The following DLGAP1 variants were observed in gnomAD, a reference collection of about 807,000 sequenced individuals.
DLGAP1 encodes the protein DLG associated protein 1.
In DLGAP1, 11 loss-of-function variants were observed where a neutral mutation model predicts 90.8. That is an observed-to-expected ratio of 0.12 (90% CI 0.08 to 0.20). The LOEUF is 0.20. Among genes scored for constraint, DLGAP1 ranks in the 10% least tolerant of loss-of-function variants. The pLI, the probability that DLGAP1 is intolerant of heterozygous loss-of-function variation, is 1.00. For synonymous variants in DLGAP1, 558 were observed against 540.7 expected (o/e 1.03, Z -0.44); for missense variants, 1,050 against 1,333.8 (o/e 0.79, Z 3.31).
At chr18:3,501,952 A>C (rs1157629474) in intron 12 of DLGAP1, among the ~76,000 whole-genome samples, 1 of 89,656 alleles carries the variant, frequency 1.1e-5, no homozygotes, top group Non-Finnish European at 3.0e-5. Flanking sequence ...CTGTTTTGAA[A>C]AAAAAAAAAA....
At chr18:4,359,638 A>G (rs1324805647) in intron 1 of DLGAP1, among the ~76,000 whole-genome samples, 2 of 152,136 alleles carry the variant, frequency 1.3e-5, no homozygotes, top group Non-Finnish European at 2.9e-5. Flanking sequence ...GGACCTAGCA[A>G]TTGGTGGGGA....
intron 1 of DLGAP1, among the ~76,000 whole-genome samples, chr18:4,348,399 A>AGTGTGTGTGTGTGTGTGT (rs2081339672): frequency 4.3e-5 from 3 of 70,324 alleles, no homozygotes; most frequent in Admixed American, 2.4e-4. Flanking sequence ...TGAACTCAGG[A>AGTGTGTGTGTGTGTGTGT]ATGTGTGTGT....
At chr18:3,813,409 TATG>T (rs1236553584) in intron 5 of DLGAP1, among the ~76,000 whole-genome samples, 1 of 152,188 alleles carries the variant, frequency 6.6e-6, no homozygotes, top group Non-Finnish European at 1.5e-5. Flanking sequence ...AAGTGTACTC[TATG>T]ATGTGTGCAC....
chr18:4,218,470 A>T (rs1008884678), intron 1 of DLGAP1, among the ~76,000 whole-genome samples: 5 of 151,988 alleles, frequency 3.3e-5, no homozygotes, highest in Admixed American at 6.6e-5. Flanking sequence ...TTTGTGATGA[A>T]AACATTTAAA....
At chr18:3,832,598 C>G (rs1196557734) in intron 4 of DLGAP1, among the ~76,000 whole-genome samples, 1 of 151,016 alleles carries the variant, frequency 6.6e-6, no homozygotes, top group Admixed American at 6.6e-5. Flanking sequence ...GTTATTTTTC[C>G]TTGCAGTGGA....
At chr18:3,803,327 G>C (rs1672565713) in intron 5 of DLGAP1, among the ~76,000 whole-genome samples, 1 of 152,178 alleles carries the variant, frequency 6.6e-6, no homozygotes, top group Non-Finnish European at 1.5e-5. Context: ...ACTGAGTGGA[G>C]AAGGCGACGA....
At chr18:3,864,477 C>A (rs559952701) in intron 4 of DLGAP1, among the ~76,000 whole-genome samples, 127 of 152,256 alleles carry the variant, frequency 8.3e-4, no homozygotes, top group African/African-American at 2.8e-3. Flanking sequence ...TTAGGACTAA[C>A]CCTTATTTTA....
chr18:3,562,032 G>T (rs1281474226), intron 9 of DLGAP1, among the ~76,000 whole-genome samples: 3 of 150,590 alleles, frequency 2.0e-5, no homozygotes, highest in East Asian at 1.9e-4. Flanking sequence ...TTTGAGACCA[G>T]CCTGGCCAAC....
At chr18:4,012,765 G>A (rs1488470559) in intron 2 of DLGAP1, among the ~76,000 whole-genome samples, 3 of 150,878 alleles carry the variant, frequency 2.0e-5, no homozygotes, top group African/African-American at 7.3e-5. Flanking sequence ...ACCCAGGCTG[G>A]ACTGCAGTGG....
intron 1 of DLGAP1, among the ~76,000 whole-genome samples, chr18:4,408,568 C>T (rs1052435111): frequency 2.0e-5 from 3 of 151,298 alleles, no homozygotes; most frequent in Admixed American, 1.3e-4. Context: ...GCATACGAGA[C>T]GTATTGGCAT....
At chr18:4,372,798 C>G (rs1567869725) in intron 1 of DLGAP1, among the ~76,000 whole-genome samples, 1 of 151,808 alleles carries the variant, frequency 6.6e-6, no homozygotes, top group Non-Finnish European at 1.5e-5. Context: ...CGTGGTAGTG[C>G]ACACTTCTAA....
chr18:3,870,176 G>A (rs985648028), intron 4 of DLGAP1, among the ~76,000 whole-genome samples: 5 of 152,072 alleles, frequency 3.3e-5, no homozygotes, highest in Non-Finnish European at 5.9e-5. Context: ...CTATGAAATC[G>A]GAATCTCTTG....
At chr18:4,190,485 G>A (rs2077377193) in intron 1 of DLGAP1, among the ~76,000 whole-genome samples, 1 of 151,868 alleles carries the variant, frequency 6.6e-6, no homozygotes, top group African/African-American at 2.4e-5. Context: ...AAATCCACAG[G>A]GTATAGAACA....
chr18:4,319,581 G>A (rs1020209861), intron 1 of DLGAP1, among the ~76,000 whole-genome samples: 1 of 152,192 alleles, frequency 6.6e-6, no homozygotes, highest in African/African-American at 2.4e-5. Flanking sequence ...GACATTTTAA[G>A]TGGGTCCAGA....
chr18:3,928,365 C>T (rs1026829559), intron 3 of DLGAP1, among the ~76,000 whole-genome samples: 1 of 152,124 alleles, frequency 6.6e-6, no homozygotes, highest in Admixed American at 6.5e-5. Flanking sequence ...TTTCTCACCT[C>T]AGTAATTATG....
intron 7 of DLGAP1, among the ~76,000 whole-genome samples, chr18:3,619,386 T>TG (rs1235205580): frequency 6.6e-6 from 1 of 152,186 alleles, no homozygotes; most frequent in Non-Finnish European, 1.5e-5. Flanking sequence ...AAAGCAGTGC[T>TG]GGGGGCTGGG....
intron 7 of DLGAP1, among the ~76,000 whole-genome samples, chr18:3,583,651 C>A (rs1488307633): frequency 6.6e-6 from 1 of 152,146 alleles, no homozygotes; most frequent in African/African-American, 2.4e-5. Context: ...TTGGTCAAGT[C>A]AAGGGCCTGA....
intron 10 of DLGAP1, among the ~76,000 whole-genome samples, chr18:3,509,314 A>G (rs1053879046): frequency 1.3e-5 from 2 of 152,142 alleles, no homozygotes; most frequent in Non-Finnish European, 2.9e-5. Context: ...CTGCAGCCCA[A>G]TCATTTTGTT....
intron 4 of DLGAP1, among the ~76,000 whole-genome samples, chr18:3,817,220 G>C (rs1321390360): frequency 6.6e-6 from 1 of 152,174 alleles, no homozygotes; most frequent in Non-Finnish European, 1.5e-5. Flanking sequence ...ATGACAAACT[G>C]ATTAGCTCAT....
Sources: allele counts gnomAD v4.1 joint callset (sites outside exome capture counted in the v4.1 genomes callset), GRCh38; gene constraint gnomAD v4.1.1; transcripts MANE v1.5; gene names NCBI Gene and HGNC (gene_info 2026-07-23, HGNC 2026-07-21).